EYA4: variants seen among roughly 807,000 people sequenced by gnomAD.
The protein encoded by EYA4 is EYA transcriptional coactivator and phosphatase 4.
In EYA4, 31 loss-of-function variants were observed where a neutral mutation model predicts 87.9. The observed-to-expected ratio is 0.35, with a 90% confidence interval of 0.27 to 0.48. EYA4 has a LOEUF of 0.48. Ranked by LOEUF, EYA4 falls within the 20% of genes least tolerant of loss-of-function variation. The pLI is 0.99. For synonymous variants in EYA4, 263 were observed against 270.6 expected, an observed-to-expected ratio of 0.97 and a Z score of 0.28; for missense variants, 678 against 761.4, an observed-to-expected ratio of 0.89 and a Z score of 1.29.
chr6:133,316,983 A>G (rs1780677274), intron 2 of EYA4, among the ~76,000 whole-genome samples: 1 of 152,166 alleles, frequency 6.6e-6, no homozygotes, highest in South Asian at 2.1e-4. Context: ...AGCTTTACTC[A>G]TTTTGGACCA....
intron 3 of EYA4, among the ~76,000 whole-genome samples, chr6:133,392,729 G>T (rs1483062689): frequency 6.6e-6 from 1 of 152,204 alleles, no homozygotes; most frequent in Non-Finnish European, 1.5e-5. Context: ...AGGCATGGTG[G>T]CAGGGGGAAG....
At chr6:133,294,590 T>C (rs1778810063) in intron 2 of EYA4, among the ~76,000 whole-genome samples, 1 of 151,932 alleles carries the variant, frequency 6.6e-6, no homozygotes, top group Non-Finnish European at 1.5e-5. Context: ...TATTTTGAAA[T>C]GGAGTCTTGC....
intron 19 of EYA4, among the ~76,000 whole-genome samples, chr6:133,526,394 A>C (rs1449121756): frequency 1.3e-5 from 2 of 152,206 alleles, no homozygotes; most frequent in Non-Finnish European, 2.9e-5. Context: ...TTTTCAAAAA[A>C]CAGTCAACAT....
intron 2 of EYA4, among the ~76,000 whole-genome samples, chr6:133,302,058 T>C (rs1779451878): frequency 6.6e-6 from 1 of 152,130 alleles, no homozygotes; most frequent in Non-Finnish European, 1.5e-5. Context: ...GAGGACAGAA[T>C]TTGCAAAGCA....
intron 1 of EYA4, chr6:133,248,390 G>A (rs1774593361): frequency 6.6e-6 from 1 of 152,180 alleles, no homozygotes; most frequent in Non-Finnish European, 1.5e-5. Context: ...TACAGAGTTT[G>A]AAATTCTATC....
At chr6:133,351,388 T>G (rs1216261210) in intron 2 of EYA4, among the ~76,000 whole-genome samples, 2 of 152,210 alleles carry the variant, frequency 1.3e-5, no homozygotes, top group Admixed American at 6.5e-5. Context: ...AACCTATGTA[T>G]ATGCAGTTCA....
At chr6:133,439,570 T>C (rs1792062273) in intron 3 of EYA4, 1 of 152,238 alleles carries the variant, frequency 6.6e-6, no homozygotes, top group Admixed American at 6.5e-5. Flanking sequence ...TTTCCAGTTG[T>C]CTTCTGTCCA....
intron 5 of EYA4, among the ~76,000 whole-genome samples, chr6:133,451,046 C>T (rs1468562451): frequency 1.3e-5 from 2 of 152,146 alleles, no homozygotes; most frequent in African/African-American, 4.8e-5. Flanking sequence ...TAAATGCAAG[C>T]ATACCTTAGC....
chr6:133,364,017 A>G (rs929609579), intron 2 of EYA4, among the ~76,000 whole-genome samples: 1 of 152,220 alleles, frequency 6.6e-6, no homozygotes, highest in African/African-American at 2.4e-5. Context: ...CTTATGGATC[A>G]GCTAACCTGA....
chr6:133,357,765 G>A (rs1200030857), intron 2 of EYA4, among the ~76,000 whole-genome samples: 2 of 152,140 alleles, frequency 1.3e-5, no homozygotes, highest in Non-Finnish European at 2.9e-5. Context: ...TGTATTAATG[G>A]TTAAGGGAAG....
rs138492582 is a variant in EYA4 at position 133,372,846 on chromosome 6, G to A, written c.34-9546G>A. Among the ~76,000 whole-genome samples, 1,150 of 151,782 alleles carry A rather than the reference G, an allele frequency of 7.6e-3. 8 individuals are homozygous for A. Among genetic ancestry groups the A allele is most frequent in the Middle Eastern group, 0.014 (4 of 292 alleles). On this transcript the variant is annotated intron_variant, in intron 2 of 19. Transcript: ENST00000355286. ...AATTTTGTGTGCATTCTATCAATTT[G>A]TTTTTAAAGTTAAAGAATTTCTAAT...
intron 3 of EYA4, among the ~76,000 whole-genome samples, chr6:133,418,739 C>T (rs1424347211): frequency 6.6e-6 from 1 of 152,060 alleles, no homozygotes; most frequent in African/African-American, 2.4e-5. Flanking sequence ...GAACTAAGCA[C>T]AACTCTATAA....
chr6:133,381,885 G>A (rs1351141684), intron 2 of EYA4, among the ~76,000 whole-genome samples: 1 of 152,134 alleles, frequency 6.6e-6, no homozygotes, highest in East Asian at 1.9e-4. Context: ...AAATATATGT[G>A]TGAAGCAGTG....
At chr6:133,487,542 T>C (rs970472113) in intron 13 of EYA4, among the ~76,000 whole-genome samples, 15 of 152,120 alleles carry the variant, frequency 9.9e-5, no homozygotes, top group Non-Finnish European at 2.1e-4. Context: ...ACTAACTCAG[T>C]CACAGAAAGA....
intron 2 of EYA4, among the ~76,000 whole-genome samples, chr6:133,341,725 C>T (rs1782795958): frequency 6.6e-6 from 1 of 151,660 alleles, no homozygotes; most frequent in African/African-American, 2.4e-5. Flanking sequence ...ATAAGCAGGA[C>T]AAACAATCTC....
chr6:133,389,916 C>T (rs1313517999), intron 3 of EYA4, among the ~76,000 whole-genome samples: 1 of 152,180 alleles, frequency 6.6e-6, no homozygotes, highest in African/African-American at 2.4e-5. Context: ...CTTGCCACCT[C>T]ACCTCTGAAT....
chr6:133,333,997 T>A (rs1782177303), intron 2 of EYA4, among the ~76,000 whole-genome samples: 1 of 152,284 alleles, frequency 6.6e-6, no homozygotes, highest in African/African-American at 2.4e-5. Context: ...CACTGATTGG[T>A]AAAATTCCAC....
chr6:133,369,712 T>G (rs1785124200), intron 2 of EYA4, among the ~76,000 whole-genome samples: 1 of 152,232 alleles, frequency 6.6e-6, no homozygotes, highest in Non-Finnish European at 1.5e-5. Context: ...CATAAAGTGT[T>G]TCTCCTACAG....
chr6:133,336,747 G>A (rs373981559), intron 2 of EYA4, among the ~76,000 whole-genome samples: 23 of 152,078 alleles, frequency 1.5e-4, no homozygotes, highest in African/African-American at 4.1e-4. Flanking sequence ...ATTTCCAAAC[G>A]ATTTAAAAGC....
Sources: gnomAD v4.1 joint callset for allele counts (sites outside exome capture counted in the v4.1 genomes callset) on GRCh38, gnomAD v4.1.1 for gene constraint, MANE v1.5 for transcripts, NCBI Gene and HGNC (gene_info 2026-07-23, HGNC 2026-07-21) for gene names.